The following GPR141 variants were observed in gnomAD, a reference collection of about 807,000 sequenced individuals.
GPR141 encodes the protein G protein-coupled receptor 141.
In GPR141, 6 loss-of-function variants were observed where a neutral mutation model predicts 6.8. The ratio of observed to expected loss-of-function variants is 0.88; its 90% CI spans 0.48 to 1.74. GPR141 has a LOEUF of 1.74. Among genes scored for constraint, GPR141 ranks in the 40% most tolerant of loss-of-function variants. GPR141 has a pLI of 0.01. For missense variants in GPR141, 372 were observed against 372.9 expected (o/e 1.00, Z 0.02); for synonymous variants, 140 against 142.3 (o/e 0.98, Z 0.11).
At chr7:37,702,904 A>G (rs535801121) in intron 2 of GPR141, among the ~76,000 whole-genome samples, 5 of 151,586 alleles carry the variant, frequency 3.3e-5, no homozygotes, top group African/African-American at 9.6e-5. Flanking sequence ...AGTATTTTAA[A>G]CTGATAAATC....
chr7:37,720,937 G>A lies in GPR141; in HGVS notation c.-14-19443G>A. Among the ~76,000 whole-genome samples, 2 of 152,132 alleles carry A rather than the reference G, an allele frequency of 1.3e-5. 1 individual carries two copies. Among genetic ancestry groups the A allele is most frequent in the Non-Finnish European group, 2.9e-5 (2 of 68,040 alleles). ...AATTACTTCTCCAAGTCCTCTTCTA[G>A]TATTCTAATTAACTGCTTTTCAATA... On this transcript the variant is annotated intron_variant, in intron 2 of 2. Transcript: ENST00000334425.
intron 2 of GPR141, among the ~76,000 whole-genome samples, chr7:37,732,359 A>G (rs1392857290): frequency 6.6e-6 from 1 of 151,600 alleles, no homozygotes. Context: ...CTTGAGAGTG[A>G]TGAGTTGCGA....
At chr7:37,711,865 C>T (rs768444328) in intron 2 of GPR141, among the ~76,000 whole-genome samples, 1 of 152,154 alleles carries the variant, frequency 6.6e-6, no homozygotes, top group South Asian at 2.1e-4. Context: ...TACACTGATT[C>T]GCTCGAGTAA....
At chr7:37,707,780 G>A (rs1207696328) in intron 2 of GPR141, among the ~76,000 whole-genome samples, 1 of 152,148 alleles carries the variant, frequency 6.6e-6, no homozygotes, top group Non-Finnish European at 1.5e-5. Context: ...AGGATGACAG[G>A]ACACAGAGGA....
At chr7:37,696,912 G>A (rs1298452876) in intron 2 of GPR141, among the ~76,000 whole-genome samples, 1 of 151,792 alleles carries the variant, frequency 6.6e-6, no homozygotes, top group Non-Finnish European at 1.5e-5. Context: ...TCTTAGTTGC[G>A]TTTTCTGGAA....
Position 37,741,497 on chromosome 7 carries a change from G to A in GPR141, c.*186G>A. The A allele has an allele frequency of 1.9e-6, 1 of 535,664 alleles. No homozygotes were observed. Among genetic ancestry groups the A allele is most frequent in the Non-Finnish European group, 3.3e-6 (1 of 305,758 alleles). The allele number at this position is 535,664 out of a possible 1,614,324, so 33.2% of individuals were successfully genotyped here. On this transcript the variant is annotated 3_prime_UTR_variant, in exon 3 of 3. Coordinates refer to ENST00000334425, the MANE Select transcript of GPR141 (RefSeq NM_001381946.1). The stretch of plus-strand genomic sequence containing the variant: ...GGATCCCTCCCATCTCTGAGTGATG[G>A]CCGTACAAAGACCAGTGTTGTTGAA...
intron 2 of GPR141, among the ~76,000 whole-genome samples, chr7:37,727,885 T>G (rs1450184): frequency 0.92 from 140,311 of 152,314 alleles, 64,798 homozygotes; most frequent in East Asian, 0.99. Context: ...AGAATAAAAT[T>G]GAAAATCCTT....
At chr7:37,715,311 G>A (rs1356249452) in intron 2 of GPR141, among the ~76,000 whole-genome samples, 1 of 152,088 alleles carries the variant, frequency 6.6e-6, no homozygotes, top group African/African-American at 2.4e-5. Context: ...ATTTATTTCT[G>A]TAGAGAAAGG....
At position 37,742,043 on chromosome 7, in the gene GPR141, T is replaced by G. The variant is rs1462008060; in HGVS notation, c.*732T>G. On this transcript the variant is annotated 3_prime_UTR_variant, in exon 3 of 3. Transcript: ENST00000334425. The stretch of plus-strand genomic sequence containing the variant: ...CTTACTGGACATATCTACATAATGG[T>G]GAAACTGTAATTTAGAGACTATCCC... Among the ~76,000 whole-genome samples, 1 of 152,126 alleles carries G rather than the reference T, an allele frequency of 6.6e-6. No homozygotes were observed. Among genetic ancestry groups the G allele is most frequent in the Non-Finnish European group, 1.5e-5 (1 of 68,012 alleles).
At chr7:37,717,379 G>A (rs1811097841) in intron 2 of GPR141, among the ~76,000 whole-genome samples, 1 of 152,180 alleles carries the variant, frequency 6.6e-6, no homozygotes, top group Non-Finnish European at 1.5e-5. Context: ...CAAAGGTTAA[G>A]AGGATTGAGG....
intron 2 of GPR141, among the ~76,000 whole-genome samples, chr7:37,707,008 C>T (rs1322879009): frequency 6.6e-6 from 1 of 151,970 alleles, no homozygotes; most frequent in African/African-American, 2.4e-5. Flanking sequence ...TCCTCTTTCC[C>T]TTTCCCTCCA....
At chr7:37,722,204 T>A (rs1246658324) in intron 2 of GPR141, among the ~76,000 whole-genome samples, 1 of 152,326 alleles carries the variant, frequency 6.6e-6, no homozygotes, top group South Asian at 2.1e-4. Context: ...GAGTTATTTA[T>A]AACAATAAGT....
At chr7:37,726,754 A>G (rs1170408012) in intron 2 of GPR141, among the ~76,000 whole-genome samples, 1 of 152,242 alleles carries the variant, frequency 6.6e-6, no homozygotes, top group Non-Finnish European at 1.5e-5. Flanking sequence ...GGTCAAGATC[A>G]GGAAAATAAC....
At chr7:37,695,993 T>C (rs180962060) in intron 2 of GPR141, among the ~76,000 whole-genome samples, 113 of 152,338 alleles carry the variant, frequency 7.4e-4, no homozygotes, top group African/African-American at 2.5e-3. Flanking sequence ...CTTGCATCTG[T>C]TCTTGGAATC....
At chr7:37,687,734 T>C (rs1809573279) in intron 2 of GPR141, among the ~76,000 whole-genome samples, 1 of 152,058 alleles carries the variant, frequency 6.6e-6, no homozygotes, top group Non-Finnish European at 1.5e-5. Flanking sequence ...GTTCTACAAA[T>C]TCAAGACTGG....
At chr7:37,706,792 G>A (rs1363687153) in intron 2 of GPR141, among the ~76,000 whole-genome samples, 1 of 152,166 alleles carries the variant, frequency 6.6e-6, no homozygotes, top group African/African-American at 2.4e-5. Flanking sequence ...GTGACAGCGT[G>A]AATTTTGTAG....
At chr7:37,727,470 A>G (rs981478241) in intron 2 of GPR141, among the ~76,000 whole-genome samples, 2 of 152,144 alleles carry the variant, frequency 1.3e-5, no homozygotes, top group Non-Finnish European at 2.9e-5. Flanking sequence ...ATTTCACACC[A>G]TTCTCTTCTC....
intron 2 of GPR141, among the ~76,000 whole-genome samples, chr7:37,703,931 C>T (rs966742235): frequency 2.2e-4 from 34 of 151,934 alleles, no homozygotes; most frequent in Middle Eastern, 3.4e-3. Context: ...TTCAAAATGC[C>T]TATACATTTT....
chr7:37,711,949 A>T (rs189442847), intron 2 of GPR141, among the ~76,000 whole-genome samples: 4 of 152,336 alleles, frequency 2.6e-5, no homozygotes, highest in Non-Finnish European at 1.5e-5. Context: ...GTATGGTAAA[A>T]ATAGATGACA....
Sources: gnomAD v4.1 joint callset for allele counts (sites outside exome capture counted in the v4.1 genomes callset) on GRCh38, gnomAD v4.1.1 for gene constraint, MANE v1.5 for transcripts, NCBI Gene and HGNC (gene_info 2026-07-23, HGNC 2026-07-21) for gene names.